The following DOK6 variants were observed in gnomAD, a reference collection of about 807,000 sequenced individuals.
DOK6 encodes downstream of tyrosine kinase 6.
In DOK6, 22 loss-of-function variants were observed where a neutral mutation model predicts 44.0. The ratio of observed to expected loss-of-function variants is 0.50; its 90% CI spans 0.36 to 0.71. DOK6 has a LOEUF of 0.71. DOK6 is among the 30% of genes least tolerant of loss of function. The pLI, the probability that DOK6 is intolerant of heterozygous loss-of-function variation, is 0.00. For missense variants in DOK6, 340 were observed against 416.4 expected (o/e 0.82, Z 1.60); for synonymous variants, 166 against 145.5 (o/e 1.14, Z -1.01).
intron 1 of DOK6, among the ~76,000 whole-genome samples, chr18:69,552,283 A>G (rs566748971): frequency 9.2e-5 from 14 of 152,208 alleles, no homozygotes; most frequent in African/African-American, 2.9e-4. Flanking sequence ...GGTTTAGGAC[A>G]TTTGGAAATA....
chr18:69,515,450 T>C (rs1981495092), intron 1 of DOK6, among the ~76,000 whole-genome samples: 1 of 152,230 alleles, frequency 6.6e-6, no homozygotes, highest in South Asian at 2.1e-4. Flanking sequence ...TGTCTTTGTT[T>C]TCCTTTGTTT....
intron 2 of DOK6, among the ~76,000 whole-genome samples, chr18:69,594,299 CACAT>C (rs1471238445): frequency 3.3e-5 from 5 of 151,556 alleles, no homozygotes; most frequent in African/African-American, 9.7e-5. Context: ...CATATATACA[CACAT>C]ACATACATAC....
rs550568868 is a variant in DOK6 at position 69,480,272 on chromosome 18, T to C, written c.66+78962T>C. On this transcript the variant is annotated intron_variant, in intron 1 of 7. Coordinates refer to ENST00000382713, the MANE Select transcript of DOK6 (RefSeq NM_152721.6). Reference sequence around the variant, plus strand: ...GATTAAAGCTAATAAATGATACATGTGGGAAACTTCCTTTTTATTTCCCAA... The same window carrying C: ...GATTAAAGCTAATAAATGATACATGCGGGAAACTTCCTTTTTATTTCCCAA... Among the ~76,000 whole-genome samples, 3 of 152,244 alleles carry C rather than the reference T, an allele frequency of 2.0e-5. No homozygotes were observed. In the East Asian group the frequency reaches 5.8e-4, roughly 29 times the overall value.
chr18:69,561,607 G>A (rs1305694892), intron 1 of DOK6, among the ~76,000 whole-genome samples: 1 of 152,068 alleles, frequency 6.6e-6, no homozygotes, highest in Non-Finnish European at 1.5e-5. Flanking sequence ...GAGTAATATA[G>A]TTCATAATTT....
rs1982299758 is a variant in DOK6, at chr18:69,844,260, T to C, written c.*2877T>C. The stretch of plus-strand genomic sequence containing the variant: ...ACCAAAGATATCTTTTGGCTCCTTC[T>C]GAAAGTGACTCAGTTTGAATTCCAT... On this transcript the variant is annotated 3_prime_UTR_variant, in exon 8 of 8. Transcript: ENST00000382713. 1 of 152,224 alleles carries C rather than the reference T, an allele frequency of 6.6e-6. No homozygotes were observed. The highest frequency in any genetic ancestry group is 2.1e-4 in the South Asian group (1 of 4,832). The allele number at this position is 152,224 out of a possible 1,614,324, so 9.4% of individuals were successfully genotyped here.
chr18:69,838,935 C>T (rs1982128786), intron 7 of DOK6, among the ~76,000 whole-genome samples: 2 of 150,462 alleles, frequency 1.3e-5, no homozygotes, highest in Non-Finnish European at 3.0e-5. Context: ...CTAGCCCCTA[C>T]CTTAGTTCCT....
intron 7 of DOK6, among the ~76,000 whole-genome samples, chr18:69,837,835 G>A (rs1335825299): frequency 6.6e-6 from 1 of 152,212 alleles, no homozygotes; most frequent in African/African-American, 2.4e-5. Flanking sequence ...GATTATTGAA[G>A]TGACATGTAC....
At chr18:69,489,061 G>A (rs1980664407) in intron 1 of DOK6, among the ~76,000 whole-genome samples, 2 of 152,126 alleles carry the variant, frequency 1.3e-5, no homozygotes, top group Non-Finnish European at 2.9e-5. Context: ...AGATAGGTGG[G>A]TGCATTGAGA....
chr18:69,697,020 T>C, intron 4 of DOK6, among the ~76,000 whole-genome samples: 2 of 152,228 alleles, frequency 1.3e-5, no homozygotes, highest in East Asian at 3.8e-4. Flanking sequence ...TCTAAAAGAC[T>C]GAATTATTAG....
At chr18:69,736,035 GTCC>G (rs1978594086) in intron 5 of DOK6, among the ~76,000 whole-genome samples, 1 of 152,140 alleles carries the variant, frequency 6.6e-6, no homozygotes, top group East Asian at 1.9e-4. Context: ...ATCCCCAGTT[GTCC>G]TCCTCATGGC....
chr18:69,527,889 G>A (rs747435893), intron 1 of DOK6, among the ~76,000 whole-genome samples: 3 of 152,102 alleles, frequency 2.0e-5, no homozygotes, highest in Non-Finnish European at 4.4e-5. Flanking sequence ...CTGGCCGGGT[G>A]CGGTGGCTCA....
intron 5 of DOK6, among the ~76,000 whole-genome samples, chr18:69,703,063 A>C (rs1038973649): frequency 6.7e-6 from 1 of 148,836 alleles, no homozygotes; most frequent in Non-Finnish European, 1.5e-5. Flanking sequence ...AAAAAAAAAA[A>C]GCAGACCTGG....
chr18:69,550,763 G>T (rs1337829440), intron 1 of DOK6, among the ~76,000 whole-genome samples: 2 of 139,438 alleles, frequency 1.4e-5, no homozygotes, highest in Non-Finnish European at 3.1e-5. Flanking sequence ...TTGTTTTGTT[G>T]TTGTTGTTTC....
chr18:69,823,623 GTT>G (rs1293360762), intron 7 of DOK6, among the ~76,000 whole-genome samples: 4 of 124,878 alleles, frequency 3.2e-5, no homozygotes, highest in Non-Finnish European at 5.1e-5. Flanking sequence ...AAGTGTGTGT[GTT>G]TGTGTGTGTG....
chr18:69,497,578 A>G (rs1046085830), intron 1 of DOK6, among the ~76,000 whole-genome samples: 1 of 152,180 alleles, frequency 6.6e-6, no homozygotes, highest in Non-Finnish European at 1.5e-5. Context: ...TTACTAATTT[A>G]TGAACTCCAA....
At chr18:69,527,465 T>G (rs1226499311) in intron 1 of DOK6, among the ~76,000 whole-genome samples, 1 of 152,172 alleles carries the variant, frequency 6.6e-6, no homozygotes, top group Non-Finnish European at 1.5e-5. Flanking sequence ...TCAGCTCTCC[T>G]GAGAACTTAC....
chr18:69,778,402 G>A (rs1353877878), intron 7 of DOK6, among the ~76,000 whole-genome samples: 3 of 152,022 alleles, frequency 2.0e-5, no homozygotes, highest in Admixed American at 6.6e-5. Context: ...ATAAAATTGC[G>A]TCAAAAGGAA....
At position 69,659,819 on chromosome 18, in the gene DOK6, TTGTTATATATATATATAACATATATGTA is replaced by T. The variant is rs1568325132; in HGVS notation, c.290-17897_290-17870del. On this transcript the variant is annotated intron_variant, in intron 3 of 7. Coordinates refer to ENST00000382713, the MANE Select transcript of DOK6 (RefSeq NM_152721.6). ...GGTGGTTTTTTTTTCTGCTTTTTTT[TTGTTATATATATATATAACATATATGTA>T]TGTTATATATATATATATAAAACAT... 15 of 120,190 alleles carry T rather than the reference TTGTTATATATATATATAACATATATGTA, an allele frequency of 1.2e-4. 2 individuals are homozygous for T. Among genetic ancestry groups the T allele is most frequent in the South Asian group, 5.7e-4 (2 of 3,502 alleles). 7.4% of individuals were successfully genotyped at this position (120,190 alleles called of 1,614,324 possible). A position where few individuals can be genotyped will look rare whatever the true frequency, so the allele number is the denominator to read the frequency against.
At chr18:69,419,696 G>A (rs1166789677) in intron 1 of DOK6, among the ~76,000 whole-genome samples, 4 of 152,048 alleles carry the variant, frequency 2.6e-5, no homozygotes, top group East Asian at 1.9e-4. Flanking sequence ...AATAACCAAG[G>A]ATGAAGAAGT....
Sources: gnomAD v4.1 joint callset for allele counts (sites outside exome capture counted in the v4.1 genomes callset) on GRCh38, gnomAD v4.1.1 for gene constraint, MANE v1.5 for transcripts, NCBI Gene and HGNC (gene_info 2026-07-23, HGNC 2026-07-21) for gene names.